The following ZFYVE1 variants were observed in gnomAD, a reference collection of about 807,000 sequenced individuals.
The protein encoded by ZFYVE1 is zinc finger FYVE-type containing 1, also known as zinc finger FYVE domain-containing protein 1.
A neutral mutation model predicts 74.4 loss-of-function variants in ZFYVE1; 30 were observed. That is an observed-to-expected ratio of 0.40 (90% CI 0.30 to 0.55). The LOEUF (loss-of-function observed/expected upper bound fraction) is 0.55. Among genes scored for constraint, ZFYVE1 ranks in the 20% least tolerant of loss-of-function variants. The pLI, the probability that ZFYVE1 is intolerant of heterozygous loss-of-function variation, is 0.42. For synonymous variants in ZFYVE1, 335 were observed against 385.1 expected (o/e 0.87, Z 1.52); for missense variants, 703 against 1,011.6 (o/e 0.69, Z 4.14).
intron 4 of ZFYVE1, among the ~76,000 whole-genome samples, chr14:72,991,052 G>A (rs1001299854): frequency 2.0e-5 from 3 of 151,950 alleles, no homozygotes; most frequent in African/African-American, 4.8e-5. Flanking sequence ...TTACCACCTC[G>A]GAAGAATACA....
intron 5 of ZFYVE1, among the ~76,000 whole-genome samples, chr14:72,980,126 A>C (rs1410363137): frequency 6.6e-6 from 1 of 152,166 alleles, no homozygotes; most frequent in Non-Finnish European, 1.5e-5. Context: ...TTCCAAACTG[A>C]ACTCTCCAAG....
intron 5 of ZFYVE1, among the ~76,000 whole-genome samples, chr14:72,979,798 A>G (rs1893276387): frequency 2.6e-5 from 4 of 152,288 alleles, no homozygotes; most frequent in Admixed American, 1.3e-4. Context: ...TCCAAACAAG[A>G]TGAAATGGAA....
chr14:72,973,939 A>G (rs1461498506), intron 11 of ZFYVE1, 141 bp downstream of exon 11: 1 of 671,874 alleles, frequency 1.5e-6, no homozygotes, highest in Non-Finnish European at 2.6e-6. Flanking sequence ...AGAAGCAAGC[A>G]AATGTGTGGC....
chr14:72,972,352 A>G (rs1226185228), intron 11 of ZFYVE1, among the ~76,000 whole-genome samples: 1 of 152,252 alleles, frequency 6.6e-6, no homozygotes, highest in Non-Finnish European at 1.5e-5. Flanking sequence ...GGCGCTCAGA[A>G]TGGGAGCACT....
intron 2 of ZFYVE1, among the ~76,000 whole-genome samples, chr14:72,999,987 G>A (rs903171534): frequency 4.6e-5 from 7 of 152,130 alleles, no homozygotes; most frequent in African/African-American, 1.7e-4. Context: ...CTTGAACCCG[G>A]GAGGCAGACT....
intron 4 of ZFYVE1, among the ~76,000 whole-genome samples, chr14:72,991,929 C>T (rs1324176296): frequency 6.7e-6 from 1 of 148,586 alleles, no homozygotes; most frequent in Non-Finnish European, 1.5e-5. Context: ...TTTTTTGAGA[C>T]AGCATCTCGC....
At chr14:72,998,945 A>C (rs1214276651) in intron 2 of ZFYVE1, among the ~76,000 whole-genome samples, 1 of 151,992 alleles carries the variant, frequency 6.6e-6, no homozygotes, top group Non-Finnish European at 1.5e-5. Context: ...CTCTGCTAAA[A>C]ATTTTAAAAA....
chr14:73,023,638 G>T (rs4545732), intron 2 of ZFYVE1, among the ~76,000 whole-genome samples: 1 of 151,338 alleles, frequency 6.6e-6, no homozygotes, highest in African/African-American at 2.4e-5. Context: ...CTCACAGCTT[G>T]CCAGGGTGCT....
At chr14:72,973,348 G>A (rs1002374166) in intron 11 of ZFYVE1, among the ~76,000 whole-genome samples, 1 of 152,078 alleles carries the variant, frequency 6.6e-6, no homozygotes, top group South Asian at 2.1e-4. Context: ...AATTAGCTGG[G>A]CATGGTGGCA....
chr14:72,989,120 G>T (rs1893552547), intron 4 of ZFYVE1, among the ~76,000 whole-genome samples: 1 of 151,764 alleles, frequency 6.6e-6, no homozygotes, highest in East Asian at 1.9e-4. Context: ...TAGAGATGGG[G>T]TTTCACTATG....
chr14:72,987,234 C>T (rs1223477837), intron 4 of ZFYVE1, among the ~76,000 whole-genome samples: 2 of 152,112 alleles, frequency 1.3e-5, no homozygotes, highest in African/African-American at 4.8e-5. Flanking sequence ...AGAATTGGAA[C>T]GTCAAGAGTT....
chr14:72,990,893 T>C (rs561789444), intron 4 of ZFYVE1, among the ~76,000 whole-genome samples: 1 of 151,550 alleles, frequency 6.6e-6, no homozygotes, highest in South Asian at 2.1e-4. Context: ...TAGAGACAGG[T>C]TTCACCATGT....
chr14:72,986,427 C>G (rs893707813), intron 4 of ZFYVE1, among the ~76,000 whole-genome samples: 1 of 148,536 alleles, frequency 6.7e-6, no homozygotes, highest in Admixed American at 6.8e-5. Context: ...TGACAAGTTT[C>G]AGGAGGCTTT....
chr14:73,027,051 G>C lies in ZFYVE1; in HGVS notation c.-560C>G, dbSNP rs898167911. The C allele has an allele frequency of 3.0e-5, 12 of 399,074 alleles. No homozygotes were observed. In the East Asian group the frequency reaches 4.3e-4, roughly 14 times the overall value. 24.7% of individuals were successfully genotyped at this position (399,074 alleles called of 1,614,324 possible). On this transcript the variant is annotated 5_prime_UTR_variant, in exon 1 of 12. Coordinates refer to ENST00000556143, the MANE Select transcript of ZFYVE1 (RefSeq NM_021260.4). The stretch of plus-strand genomic sequence containing the variant: ...TCCATCTCCGCCACCCTCCTCCTTC[G>C]TTGCCTCCCGGGCTTCCTCCTCTCC...
At chr14:72,995,355 C>G (rs1237967578) in intron 3 of ZFYVE1, among the ~76,000 whole-genome samples, 2 of 152,158 alleles carry the variant, frequency 1.3e-5, no homozygotes, top group African/African-American at 4.8e-5. Flanking sequence ...CCTTGGCCTC[C>G]CAAAGAGCTG....
At chr14:73,006,965 A>G (rs12883979) in intron 2 of ZFYVE1, among the ~76,000 whole-genome samples, 74,434 of 151,724 alleles carry the variant, frequency 0.49, 18,850 homozygotes, top group African/African-American at 0.59. Context: ...TGCCTGCCTT[A>G]GCCTCTCAAA....
At chr14:72,978,668 G>T (rs1329449851) in intron 6 of ZFYVE1, among the ~76,000 whole-genome samples, 193 bp downstream of exon 6, 1 of 146,512 alleles carries the variant, frequency 6.8e-6, no homozygotes, top group African/African-American at 2.5e-5. Flanking sequence ...GCTTAAAACA[G>T]TAAACAAAGG....
At chr14:73,005,401 A>G (rs1207554728) in intron 2 of ZFYVE1, among the ~76,000 whole-genome samples, 1 of 152,202 alleles carries the variant, frequency 6.6e-6, no homozygotes, top group Non-Finnish European at 1.5e-5. Flanking sequence ...AGCTCGGCCA[A>G]CTGGCCACCC....
At chr14:72,984,419 C>T (rs1893424344) in intron 4 of ZFYVE1, among the ~76,000 whole-genome samples, 1 of 151,950 alleles carries the variant, frequency 6.6e-6, no homozygotes. Flanking sequence ...ATCCCAGCTA[C>T]TCAGGAGACT....
Sources: allele counts gnomAD v4.1 joint callset (sites outside exome capture counted in the v4.1 genomes callset), GRCh38; gene constraint gnomAD v4.1.1; transcripts MANE v1.5; gene names NCBI Gene and HGNC (gene_info 2026-07-23, HGNC 2026-07-21).